TMEM98: variants seen among roughly 807,000 people sequenced by gnomAD.
TMEM98 encodes transmembrane protein 98.
In TMEM98, 18 loss-of-function variants were observed where a neutral mutation model predicts 25.0. The observed-to-expected ratio is 0.72, with a 90% CI of 0.50 to 1.07. The LOEUF is 1.07. Among genes scored for constraint, TMEM98 ranks in the 50% least tolerant of loss-of-function variants. The pLI, the probability that TMEM98 is intolerant of heterozygous loss-of-function variation, is 0.00. For missense variants in TMEM98, 241 were observed against 289.0 expected (o/e 0.83, Z 1.20); for synonymous variants, 103 against 112.4 (o/e 0.92, Z 0.53).
chr17:32,934,316 A>C lies in TMEM98; in HGVS notation c.289A>C (p.Ile97Leu), dbSNP rs373065861. 3 of 1,614,076 alleles carry C rather than the reference A, an allele frequency of 1.9e-6. No individual in the cohort carries two copies. The highest frequency in any genetic ancestry group is 2.2e-5 in the South Asian group (2 of 91,070). ...GGGTCTCATGTCCCACTGCATTGCC[A>C]TCTTGAAGGTAACCCTCTCTTATTT... is the stretch of plus-strand genomic sequence containing the variant. Reference protein sequence around the residue: ...ASGLMSHCIAILKICHTLTEK... With the variant: ...ASGLMSHCIALLKICHTLTEK... The change falls in exon 5 of 8, where the codon ATC (isoleucine) becomes CTC (leucine). Residue 97 changes from isoleucine (I) to leucine (L), a missense_variant. Ile to Leu is a conservative substitution (Grantham distance 5, BLOSUM62 2). Coordinates refer to ENST00000579849, the MANE Select transcript of TMEM98 (RefSeq NM_015544.3).
intron 5 of TMEM98, among the ~76,000 whole-genome samples, chr17:32,935,537 T>C (rs1368436191): frequency 1.3e-5 from 2 of 152,016 alleles, no homozygotes; most frequent in African/African-American, 4.8e-5. Flanking sequence ...TTAAGACTCT[T>C]TTGCTAGGTC....
In TMEM98 at chr17:32,933,330, T is replaced by A. The variant is rs776286921; in HGVS notation, c.263+25T>A. 8.1e-6 allele frequency: 13 copies of A among 1,613,662 alleles called. No individual in the cohort carries two copies. The South Asian group carries it at 1.2e-4, about 15-fold the overall frequency. ...CGTAAGGCCATGGGAACTGTTTGCT[T>A]CCGGGCTTCTGGCAAATGATGCCCT... is the stretch of plus-strand genomic sequence containing the variant. On this transcript the variant is annotated intron_variant, in intron 4 of 7. Transcript: ENST00000579849.
In TMEM98 at chr17:32,933,426, C is replaced by T. The variant is rs2091480383; in HGVS notation, c.263+121C>T. 5 of 1,378,012 alleles carry T rather than the reference C, an allele frequency of 3.6e-6. No homozygotes were observed. In the East Asian group the frequency reaches 1.2e-4, roughly 32 times the overall value. The allele number at this position is 1,378,012 out of a possible 1,614,324, so 85.4% of individuals were successfully genotyped here. On this transcript the variant is annotated intron_variant, in intron 4 of 7. Transcript: ENST00000579849. ...GTCACTCTGTTACTTGCTGCTCTTT[C>T]CTGTGCCTTTAGTGTGGGGGAAAAT...
In TMEM98 at chr17:32,931,370, C is replaced by A; in HGVS notation, c.-87C>A. On this transcript the variant is annotated 5_prime_UTR_variant, in exon 2 of 8. Transcript: ENST00000579849. ...GTGTCGTGGAGGAACCTAGCACCTG[C>A]CATCCTCTTCCCCAATTTGCCACTT... The A allele has an allele frequency of 1.1e-6, 1 of 924,334 alleles. No homozygotes were observed. Among genetic ancestry groups the A allele is most frequent in the Non-Finnish European group, 1.6e-6 (1 of 632,842 alleles). The allele number at this position is 924,334 out of a possible 1,614,324, so 57.3% of individuals were successfully genotyped here. A position where few individuals can be genotyped will look rare whatever the true frequency, so the allele number is the denominator to read the frequency against.
In TMEM98 at chr17:32,941,996, T is replaced by G. The variant is rs2091533515; in HGVS notation, c.*1003T>G. 6.6e-6 allele frequency: 1 copy of G among 152,150 alleles called. No homozygotes were observed. Among genetic ancestry groups the G allele is most frequent in the Admixed American group, 6.6e-5 (1 of 15,260 alleles). The allele number at this position is 152,150 out of a possible 1,614,324, so 9.4% of individuals were successfully genotyped here. On this transcript the variant is annotated 3_prime_UTR_variant, in exon 8 of 8. Transcript: ENST00000579849. ...GGTGAAGGTTGCAGTGAGCCCTGATTGTGCCACTGCATTCCAGCCTGGGCG... is the reference window on the plus strand; with the variant it reads ...GGTGAAGGTTGCAGTGAGCCCTGATGGTGCCACTGCATTCCAGCCTGGGCG...
intron 5 of TMEM98, 94 bp downstream of exon 5, chr17:32,934,418 A>G: frequency 7.0e-7 from 1 of 1,431,738 alleles, no homozygotes; most frequent in Non-Finnish European, 9.8e-7. Context: ...AAGGGCACTG[A>G]CCTCTCGCAA....
chr17:32,943,924 G>C lies in TMEM98; in HGVS notation c.*2931G>C, dbSNP rs182255130. 6.6e-6 allele frequency: 1 copy of C among 152,246 alleles called. No homozygotes were observed. The highest frequency in any genetic ancestry group is 1.5e-5 in the Non-Finnish European group (1 of 68,112). The allele number at this position is 152,246 out of a possible 1,614,324, so 9.4% of individuals were successfully genotyped here. ...CTGGAATTGAGTGGCCAAAAATCTG[G>C]AATCCCTACAGTAGGGAGAGTAGCC... On this transcript the variant is annotated 3_prime_UTR_variant, in exon 8 of 8. Coordinates refer to ENST00000579849, the MANE Select transcript of TMEM98 (RefSeq NM_015544.3).
chr17:32,942,174 T>C lies in TMEM98; in HGVS notation c.*1181T>C, dbSNP rs372225422. On this transcript the variant is annotated 3_prime_UTR_variant, in exon 8 of 8. Transcript: ENST00000579849. ...ACGATGTGTTCCCCCTTTCTTCTGATATTAATATCTGTTCATTTTGCAAAC... is the reference window on the plus strand; with the variant it reads ...ACGATGTGTTCCCCCTTTCTTCTGACATTAATATCTGTTCATTTTGCAAAC... 4 of 152,224 alleles carry C rather than the reference T, an allele frequency of 2.6e-5. No homozygotes were observed. The highest frequency in any genetic ancestry group is 1.9e-4 in the East Asian group (1 of 5,206). The allele number at this position is 152,224 out of a possible 1,614,324, so 9.4% of individuals were successfully genotyped here. A position where few individuals can be genotyped will look rare whatever the true frequency, so the allele number is the denominator to read the frequency against.
intron 7 of TMEM98, 27 bp from the exon 8 acceptor site, chr17:32,940,759 C>T: frequency 6.2e-7 from 1 of 1,601,780 alleles, no homozygotes; most frequent in Non-Finnish European, 8.5e-7. Flanking sequence ...CCTAGGAAAC[C>T]TGACCCTATT....
At chr17:32,929,360 A>G (rs1252175223) in intron 1 of TMEM98, among the ~76,000 whole-genome samples, 1 of 152,134 alleles carries the variant, frequency 6.6e-6, no homozygotes, top group Admixed American at 6.5e-5. Flanking sequence ...CAGAACGCAC[A>G]GGAAGAGAGA....
rs1202289694 is a variant in TMEM98 at position 32,939,469 on chromosome 17, C to G, written c.414-8C>G. The G allele has an allele frequency of 8.1e-6, 13 of 1,613,362 alleles. No homozygotes were observed. The highest frequency in any genetic ancestry group is 1.3e-5 in the African/African-American group (1 of 74,722). On this transcript the variant is annotated splice_region_variant and splice_polypyrimidine_tract_variant and intron_variant, in intron 6 of 7. Coordinates refer to ENST00000579849, the MANE Select transcript of TMEM98 (RefSeq NM_015544.3). ...GTGAAGTACTGAACACCTTTTGCCT[C>G]CGGTCAGGGTGGATGATGTTGTGAA...
intron 6 of TMEM98, among the ~76,000 whole-genome samples, chr17:32,937,334 C>T (rs1185344460): frequency 2.0e-5 from 3 of 152,148 alleles, no homozygotes; most frequent in African/African-American, 4.8e-5. Flanking sequence ...CAAATAAAAA[C>T]GACCAGTTTC....
intron 6 of TMEM98, 67 bp from the exon 7 acceptor site, chr17:32,939,409 GA>G (rs534652551): frequency 0.022 from 26,851 of 1,248,834 alleles, 12 homozygotes; most frequent in East Asian, 0.08. Flanking sequence ...TCTGTCTCAG[GA>G]AAAAAAAAAA....
In TMEM98 at chr17:32,934,281, G is replaced by C. The variant is rs1433055227; in HGVS notation, c.264-10G>C. The C allele has an allele frequency of 1.2e-6, 2 of 1,613,950 alleles. No homozygotes were observed. The highest frequency in any genetic ancestry group is 1.7e-6 in the Non-Finnish European group (2 of 1,180,016). ...AGATGAGCACTGATGACTTCTTCTT[G>C]TTTCCCCAGGGGTCTCATGTCCCAC... On this transcript the variant is annotated splice_polypyrimidine_tract_variant and intron_variant, in intron 4 of 7. Coordinates refer to ENST00000579849, the MANE Select transcript of TMEM98 (RefSeq NM_015544.3).
At position 32,933,307 on chromosome 17, in the gene TMEM98, T is replaced by A. The variant is rs749352080; in HGVS notation, c.263+2T>A. ...TGAAGACTGGATCGAAGATGCCTCG[T>A]AAGGCCATGGGAACTGTTTGCTTCC... is the stretch of plus-strand genomic sequence containing the variant. On this transcript the variant is annotated splice_donor_variant, in intron 4 of 7. Coordinates refer to ENST00000579849, the MANE Select transcript of TMEM98 (RefSeq NM_015544.3). LOFTEE classifies it high-confidence loss of function. 1 of 1,614,120 alleles carries A rather than the reference T, an allele frequency of 6.2e-7. No individual in the cohort carries two copies. Among genetic ancestry groups the A allele is most frequent in the Non-Finnish European group, 8.5e-7 (1 of 1,179,972 alleles).
intron 7 of TMEM98, among the ~76,000 whole-genome samples, chr17:32,940,016 T>G (rs886787290): frequency 7.9e-5 from 12 of 152,238 alleles, no homozygotes; most frequent in African/African-American, 2.4e-4. Flanking sequence ...GAAATTGTTA[T>G]GTTCCTATAC....
rs2091536145 is a variant in TMEM98 at position 32,942,512 on chromosome 17, C to T, written c.*1519C>T. 6.6e-6 allele frequency: 1 copy of T among 152,204 alleles called. No homozygotes were observed. Among genetic ancestry groups the T allele is most frequent in the Admixed American group, 6.5e-5 (1 of 15,276 alleles). 9.4% of individuals were successfully genotyped at this position (152,204 alleles called of 1,614,324 possible). A position where few individuals can be genotyped will look rare whatever the true frequency, so the allele number is the denominator to read the frequency against. On this transcript the variant is annotated 3_prime_UTR_variant, in exon 8 of 8. Coordinates refer to ENST00000579849, the MANE Select transcript of TMEM98 (RefSeq NM_015544.3). Reference sequence around the variant, plus strand: ...CATATTCCCAAATCCAAGATTGGGACCTGGTTTGTCTTTCCATTTGGGCAC... The same window carrying T: ...CATATTCCCAAATCCAAGATTGGGATCTGGTTTGTCTTTCCATTTGGGCAC...
intron 1 of TMEM98, among the ~76,000 whole-genome samples, chr17:32,930,739 A>G (rs2091463904): frequency 1.3e-5 from 2 of 152,138 alleles, no homozygotes; most frequent in East Asian, 1.9e-4. Flanking sequence ...TAATATGTCC[A>G]CTTCATAAGA....
intron 1 of TMEM98, among the ~76,000 whole-genome samples, chr17:32,929,359 CA>C (rs1341639795): frequency 6.6e-6 from 1 of 151,966 alleles, no homozygotes; most frequent in Non-Finnish European, 1.5e-5. Context: ...TCAGAACGCA[CA>C]GGAAGAGAGA....
Sources: allele counts gnomAD v4.1 joint callset (sites outside exome capture counted in the v4.1 genomes callset), GRCh38; gene constraint gnomAD v4.1.1; transcripts MANE v1.5; gene names NCBI Gene and HGNC (gene_info 2026-07-23, HGNC 2026-07-21).